Variants in CSMD3 observed in about 807,000 individuals in gnomAD.
CSMD3 encodes the protein CUB and Sushi multiple domains 3, also known as CUB and sushi domain-containing protein 3.
CSMD3 carries 177 observed loss-of-function variants against 435.2 expected under a neutral mutation model. The observed-to-expected ratio is 0.41, with a 90% CI of 0.36 to 0.46. The LOEUF is 0.46. CSMD3 is among the 20% of genes least tolerant of loss of function. The pLI, the probability that CSMD3 is intolerant of heterozygous loss-of-function variation, is 0.34. For missense variants in CSMD3, 4,265 were observed against 4,504.6 expected, an observed-to-expected ratio of 0.95 and a Z score of 1.52; for synonymous variants, 1,656 against 1,520.5, an observed-to-expected ratio of 1.09 and a Z score of -2.07.
At chr8:112,246,403 A>T (rs1029320109) in intron 64 of CSMD3, among the ~76,000 whole-genome samples, 3 of 152,216 alleles carry the variant, frequency 2.0e-5, no homozygotes, top group African/African-American at 7.2e-5. Context: ...TTAAAAGGCA[A>T]CTGGAGAGAA....
intron 4 of CSMD3, among the ~76,000 whole-genome samples, chr8:113,156,164 T>C (rs1329653178): frequency 6.6e-6 from 1 of 152,060 alleles, no homozygotes; most frequent in African/African-American, 2.4e-5. Context: ...GAAAGGCACA[T>C]TACTTTATTA....
At chr8:112,788,556 T>C (rs1180446731) in intron 13 of CSMD3, among the ~76,000 whole-genome samples, 1 of 152,148 alleles carries the variant, frequency 6.6e-6, no homozygotes, top group Non-Finnish European at 1.5e-5. Flanking sequence ...CTGTTTTTCA[T>C]TTTTAGTATT....
chr8:113,041,550 C>A (rs535674377), intron 5 of CSMD3, among the ~76,000 whole-genome samples: 2 of 152,152 alleles, frequency 1.3e-5, no homozygotes, highest in African/African-American at 4.8e-5. Context: ...TTTTTGCTCA[C>A]CATCAGTTCC....
At chr8:113,106,261 A>G (rs926714940) in intron 4 of CSMD3, among the ~76,000 whole-genome samples, 1 of 152,138 alleles carries the variant, frequency 6.6e-6, no homozygotes, top group Non-Finnish European at 1.5e-5. Flanking sequence ...GTGAGGAAAG[A>G]AAGGGAAGAT....
At chr8:112,358,129 T>C (rs562775290) in intron 38 of CSMD3, among the ~76,000 whole-genome samples, 66 of 152,280 alleles carry the variant, frequency 4.3e-4, no homozygotes, top group African/African-American at 1.5e-3. Context: ...GGAGATCATT[T>C]TGGCACTTTA....
chr8:112,333,460 C>A (rs1473078332), intron 45 of CSMD3, among the ~76,000 whole-genome samples: 2 of 152,162 alleles, frequency 1.3e-5, no homozygotes, highest in African/African-American at 4.8e-5. Context: ...AGCCACTGCG[C>A]CTGGCCTTGA....
At chr8:113,136,053 T>C (rs766274324) in intron 4 of CSMD3, among the ~76,000 whole-genome samples, 37 of 151,658 alleles carry the variant, frequency 2.4e-4, no homozygotes, top group Non-Finnish European at 4.7e-4. Context: ...ACTTAAGACA[T>C]AGTATGGGAG....
At chr8:112,409,455 G>T (rs182095658) in intron 32 of CSMD3, among the ~76,000 whole-genome samples, 1 of 151,756 alleles carries the variant, frequency 6.6e-6, no homozygotes, top group African/African-American at 2.4e-5. Flanking sequence ...TTTTAATTCA[G>T]GGGATTTTTT....
intron 35 of CSMD3, among the ~76,000 whole-genome samples, chr8:112,405,207 A>AC (rs1831686513): frequency 5.3e-5 from 2 of 37,470 alleles, no homozygotes; most frequent in Non-Finnish European, 1.1e-4. Flanking sequence ...AAAAAAAAAA[A>AC]AACCCCCATA....
At chr8:113,389,205 A>G (rs2133143356) in intron 1 of CSMD3, among the ~76,000 whole-genome samples, 1 of 151,802 alleles carries the variant, frequency 6.6e-6, no homozygotes, top group South Asian at 2.1e-4. Context: ...GACAAAAGGA[A>G]TATTCTCTTG....
At chr8:112,321,022 C>T (rs889727157) in intron 45 of CSMD3, among the ~76,000 whole-genome samples, 1 of 152,126 alleles carries the variant, frequency 6.6e-6, no homozygotes, top group African/African-American at 2.4e-5. Context: ...TGCCTACTAT[C>T]CTCACATGAC....
At chr8:113,032,293 C>T (rs2087145390) in intron 5 of CSMD3, among the ~76,000 whole-genome samples, 1 of 151,480 alleles carries the variant, frequency 6.6e-6, no homozygotes, top group South Asian at 2.1e-4. Context: ...TTCCTTGAGA[C>T]TTGTTGAATA....
chr8:112,893,599 C>T (rs1365250093), intron 10 of CSMD3, among the ~76,000 whole-genome samples: 1 of 151,520 alleles, frequency 6.6e-6, no homozygotes, highest in Non-Finnish European at 1.5e-5. Context: ...GTTTCTCTGA[C>T]TTCTTCCCAA....
intron 11 of CSMD3, among the ~76,000 whole-genome samples, chr8:112,856,312 G>T (rs1038350128): frequency 6.6e-6 from 1 of 151,830 alleles, no homozygotes; most frequent in Admixed American, 6.6e-5. Flanking sequence ...TGCAATGTCT[G>T]TAAACTGATT....
At chr8:112,566,383 G>A (rs1829066159) in intron 24 of CSMD3, among the ~76,000 whole-genome samples, 1 of 151,992 alleles carries the variant, frequency 6.6e-6, no homozygotes, top group Non-Finnish European at 1.5e-5. Context: ...GTTAGCTGTT[G>A]TTATTTGTAA....
intron 38 of CSMD3, among the ~76,000 whole-genome samples, chr8:112,360,875 C>T (rs1387696970): frequency 6.6e-6 from 1 of 151,824 alleles, no homozygotes. Context: ...TTTTTTGCAG[C>T]AGTTTCTTTT....
chr8:112,830,009 A>G (rs2079821873), intron 11 of CSMD3, among the ~76,000 whole-genome samples: 1 of 152,074 alleles, frequency 6.6e-6, no homozygotes, highest in African/African-American at 2.4e-5. Flanking sequence ...AAGTTCAATC[A>G]TATCATTACA....
intron 21 of CSMD3, among the ~76,000 whole-genome samples, chr8:112,637,512 G>C (rs1250003836): frequency 2.0e-5 from 3 of 152,092 alleles, no homozygotes; most frequent in Non-Finnish European, 4.4e-5. Context: ...AAGGGTTTAT[G>C]TGAGACTGAA....
In CSMD3 at chr8:112,573,627, G is replaced by A. The variant is rs936727664; in HGVS notation, c.3916C>T (p.Leu1306=). 2 of 1,612,638 alleles carry A rather than the reference G, an allele frequency of 1.2e-6. No individual in the cohort carries two copies. The highest frequency in any genetic ancestry group is 1.7e-4 in the Middle Eastern group (1 of 6,058). ...GATGCACCAGTAAAAGCACCTAGTA[G>A]ATGAGTCGTTTTATCTTTTCCATCA... ...IYDGKDKTTH[L]LGAFTGASMR... is the part of the protein sequence containing the mutation. The change falls in exon 24 of 71, where the codon CTA becomes TTA. Residue 1306 remains leucine, a synonymous_variant. Coordinates refer to ENST00000297405, the MANE Select transcript of CSMD3 (RefSeq NM_198123.2).
Sources: gnomAD v4.1 joint callset for allele counts (sites outside exome capture counted in the v4.1 genomes callset) on GRCh38, gnomAD v4.1.1 for gene constraint, MANE v1.5 for transcripts, NCBI Gene and HGNC (gene_info 2026-07-23, HGNC 2026-07-21) for gene names.